PTPRM: variants seen among roughly 807,000 people sequenced by gnomAD.
PTPRM encodes receptor-type tyrosine-protein phosphatase mu.
Under a neutral mutation model 186.7 loss-of-function variants are expected in PTPRM, and 47 were observed. The ratio of observed to expected loss-of-function variants is 0.25; its 90% CI spans 0.20 to 0.32. PTPRM has a LOEUF of 0.32. PTPRM is among the 10% of genes least tolerant of loss of function. PTPRM has a pLI of 1.00. For missense variants in PTPRM, 1,494 were observed against 1,865.0 expected (o/e 0.80, Z 3.66); for synonymous variants, 668 against 674.9 (o/e 0.99, Z 0.16).
chr18:7,738,668 C>T (rs1031337026), intron 1 of PTPRM, among the ~76,000 whole-genome samples: 3 of 151,338 alleles, frequency 2.0e-5, no homozygotes, highest in African/African-American at 7.3e-5. Context: ...GTCTCGATCT[C>T]CTGACCTCGA....
At position 7,783,527 on chromosome 18, in the gene PTPRM, A is replaced by G. The variant is rs1317198788; in HGVS notation, c.196+9256A>G. Among the ~76,000 whole-genome samples, 33 of 152,144 alleles carry G rather than the reference A, an allele frequency of 2.2e-4. 1 individual carries two copies. The highest frequency in any genetic ancestry group is 8.8e-5 in the Non-Finnish European group (6 of 68,028). On this transcript the variant is annotated intron_variant, in intron 2 of 32. Coordinates refer to ENST00000580170, the MANE Select transcript of PTPRM (RefSeq NM_001105244.2). ...CGCCTGAGGAAGACTTCCCACTTGGATTCAGGGCAGCAGAACAGTGCCCTC... is the reference window on the plus strand; with the variant it reads ...CGCCTGAGGAAGACTTCCCACTTGGGTTCAGGGCAGCAGAACAGTGCCCTC...
intron 2 of PTPRM, among the ~76,000 whole-genome samples, chr18:7,837,849 A>G (rs1262823058): frequency 6.6e-6 from 1 of 152,154 alleles, no homozygotes; most frequent in African/African-American, 2.4e-5. Flanking sequence ...TGGTCTTGAT[A>G]CTTGTAGACG....
intron 7 of PTPRM, among the ~76,000 whole-genome samples, chr18:8,012,117 G>C (rs2084570239): frequency 6.6e-6 from 1 of 152,136 alleles, no homozygotes; most frequent in South Asian, 2.1e-4. Flanking sequence ...GCCACTGGGG[G>C]GCATTGACCT....
chr18:8,204,676 G>A (rs2093902656), intron 14 of PTPRM, among the ~76,000 whole-genome samples: 1 of 151,820 alleles, frequency 6.6e-6, no homozygotes, highest in South Asian at 2.1e-4. Flanking sequence ...ACTGAGGAGT[G>A]TTCAGCAATC....
chr18:8,036,104 G>A (rs1011884811), intron 7 of PTPRM, among the ~76,000 whole-genome samples: 5 of 152,164 alleles, frequency 3.3e-5, no homozygotes, highest in African/African-American at 1.2e-4. Context: ...GCATCAACTG[G>A]TGGTGGTTAC....
chr18:8,404,470 T>G (rs1213652561), intron 32 of PTPRM: 1 of 152,228 alleles, frequency 6.6e-6, no homozygotes, highest in Non-Finnish European at 1.5e-5. Context: ...CTGTGTCAGT[T>G]CTGGGCTAGA....
At chr18:7,618,600 T>A (rs907591655) in intron 1 of PTPRM, among the ~76,000 whole-genome samples, 8 of 152,214 alleles carry the variant, frequency 5.3e-5, no homozygotes, top group African/African-American at 1.9e-4. Context: ...CCACATCTAC[T>A]ATCTTTCAGA....
At chr18:8,234,788 A>C (rs979482293) in intron 14 of PTPRM, among the ~76,000 whole-genome samples, 1 of 152,082 alleles carries the variant, frequency 6.6e-6, no homozygotes, top group African/African-American at 2.4e-5. Context: ...GAAAACATTT[A>C]TCAAGACTGG....
chr18:7,811,610 C>T (rs2044522246), intron 2 of PTPRM, among the ~76,000 whole-genome samples: 1 of 152,130 alleles, frequency 6.6e-6, no homozygotes, highest in Non-Finnish European at 1.5e-5. Context: ...AGCATTTCTC[C>T]CATCTCAGCC....
intron 5 of PTPRM, among the ~76,000 whole-genome samples, chr18:7,933,894 A>G (rs1423446073): frequency 6.6e-6 from 1 of 152,206 alleles, no homozygotes; most frequent in Non-Finnish European, 1.5e-5. Context: ...ACTGATTAAT[A>G]AAAACAGGCA....
chr18:7,986,872 G>C (rs1599882327), intron 7 of PTPRM, among the ~76,000 whole-genome samples: 1 of 152,154 alleles, frequency 6.6e-6, no homozygotes, highest in African/African-American at 2.4e-5. Context: ...CATTATGAAT[G>C]GTGTCTTTGT....
chr18:7,604,059 G>T (rs978829068), intron 1 of PTPRM, among the ~76,000 whole-genome samples: 6 of 152,172 alleles, frequency 3.9e-5, no homozygotes, highest in Non-Finnish European at 8.8e-5. Context: ...CACAAGAAAT[G>T]ATTTTCATTT....
At chr18:7,688,977 A>G (rs773188848) in intron 1 of PTPRM, among the ~76,000 whole-genome samples, 102 of 152,166 alleles carry the variant, frequency 6.7e-4, no homozygotes, top group Admixed American at 1.2e-3. Context: ...ATACTGATCT[A>G]GCTTTAAGAA....
intron 1 of PTPRM, among the ~76,000 whole-genome samples, chr18:7,701,964 T>G (rs1032924358): frequency 6.6e-6 from 1 of 152,138 alleles, no homozygotes; most frequent in African/African-American, 2.4e-5. Context: ...TTTTCTGTTC[T>G]TGTGTTAGTT....
In PTPRM at chr18:8,387,042, A is replaced by G. The variant is rs199538907; in HGVS notation, c.4045-30A>G. On this transcript the variant is annotated intron_variant, in intron 30 of 32. Coordinates refer to ENST00000580170, the MANE Select transcript of PTPRM (RefSeq NM_001105244.2). The stretch of plus-strand genomic sequence containing the variant: ...AGTAAATAATGCCTGTTTTCTTTCC[A>G]CTCCCCGATTGTTGCCTTGTTCTTC... 242 of 1,551,168 alleles carry G rather than the reference A, an allele frequency of 1.6e-4. 1 individual carries two copies. The African/African-American group carries it at 2.7e-3, about 17-fold the overall frequency.
At chr18:8,175,965 A>G (rs2093474149) in intron 14 of PTPRM, among the ~76,000 whole-genome samples, 1 of 152,230 alleles carries the variant, frequency 6.6e-6, no homozygotes, top group Non-Finnish European at 1.5e-5. Context: ...AAGAACAAGC[A>G]TGTGCTCTTC....
chr18:7,952,144 T>C (rs903535856), intron 6 of PTPRM, among the ~76,000 whole-genome samples: 2 of 152,252 alleles, frequency 1.3e-5, no homozygotes, highest in African/African-American at 4.8e-5. Context: ...TGTAAACATA[T>C]TTCATACAGT....
At chr18:7,735,264 A>G (rs2040744305) in intron 1 of PTPRM, among the ~76,000 whole-genome samples, 1 of 152,104 alleles carries the variant, frequency 6.6e-6, no homozygotes, top group South Asian at 2.1e-4. Context: ...TGAAAATACA[A>G]AAATTAGTTG....
chr18:8,329,561 C>T (rs1168570488), intron 22 of PTPRM, among the ~76,000 whole-genome samples: 4 of 152,168 alleles, frequency 2.6e-5, no homozygotes, highest in South Asian at 4.1e-4. Flanking sequence ...CTGGCTTCCC[C>T]GTGCCTCTGG....
Sources: allele counts gnomAD v4.1 joint callset (sites outside exome capture counted in the v4.1 genomes callset), GRCh38; gene constraint gnomAD v4.1.1; transcripts MANE v1.5; gene names NCBI Gene and HGNC (gene_info 2026-07-23, HGNC 2026-07-21).